MAP7: variants seen among roughly 807,000 people sequenced by gnomAD.
MAP7 encodes the protein ensconsin.
A neutral mutation model predicts 94.8 loss-of-function variants in MAP7; 52 were observed. The ratio of observed to expected loss-of-function variants is 0.55; its 90% confidence interval spans 0.44 to 0.69. The LOEUF (loss-of-function observed/expected upper bound fraction) is 0.69, where lower values mean the gene tolerates loss of function less well. Ranked by LOEUF, MAP7 falls within the 30% of genes least tolerant of loss-of-function variation. MAP7 has a pLI of 0.00. For synonymous variants in MAP7, 350 were observed against 357.0 expected (o/e 0.98, Z 0.22); for missense variants, 940 against 964.6 (o/e 0.97, Z 0.34).
At chr6:136,414,122 G>T (rs1240094623) in intron 2 of MAP7, among the ~76,000 whole-genome samples, 1 of 149,612 alleles carries the variant, frequency 6.7e-6, no homozygotes, top group African/African-American at 2.5e-5. Flanking sequence ...GCGTGGTAGC[G>T]GGCGCCTGTA....
intron 1 of MAP7, among the ~76,000 whole-genome samples, chr6:136,493,404 T>C (rs187214403): frequency 3.9e-4 from 60 of 152,150 alleles, no homozygotes; most frequent in African/African-American, 1.4e-3. Context: ...ATTACAGCCA[T>C]AAGCCACCGC....
chr6:136,412,348 CA>C (rs1022845615), intron 2 of MAP7, among the ~76,000 whole-genome samples: 1 of 151,272 alleles, frequency 6.6e-6, no homozygotes, highest in African/African-American at 2.4e-5. Flanking sequence ...CAGCAGTCAC[CA>C]AAAAAAGACA....
chr6:136,344,312 T>C, intron 17 of MAP7, 74 bp from the exon 18 acceptor site: 1 of 653,014 alleles, frequency 1.5e-6, no homozygotes. Context: ...AATACCATAG[T>C]AATACCTTAA....
At chr6:136,527,080 A>AC (rs35631974) in intron 1 of MAP7, among the ~76,000 whole-genome samples, 56 of 151,858 alleles carry the variant, frequency 3.7e-4, no homozygotes, top group African/African-American at 1.3e-3. Flanking sequence ...CACCCAGCAC[A>AC]CCCCCCACCC....
At chr6:136,465,799 T>A (rs187690305) in intron 1 of MAP7, among the ~76,000 whole-genome samples, 3 of 152,260 alleles carry the variant, frequency 2.0e-5, no homozygotes, top group Admixed American at 2.0e-4. Context: ...CACTAATCCA[T>A]CTTCTAACAG....
chr6:136,524,524 C>A (rs1428177423), intron 1 of MAP7, among the ~76,000 whole-genome samples: 1 of 152,188 alleles, frequency 6.6e-6, no homozygotes, highest in Non-Finnish European at 1.5e-5. Context: ...CATTAAGTCA[C>A]CCTCCAGTCA....
At position 136,411,689 on chromosome 6, in the gene MAP7, G is replaced by T; in HGVS notation, c.175C>A (p.Pro59Thr). The T allele has an allele frequency of 6.4e-7, 1 of 1,564,792 alleles. No individual in the cohort carries two copies. The highest frequency in any genetic ancestry group is 2.4e-5 in the East Asian group (1 of 42,238). ...TGCCGGTCATCAACACGTAACACAG[G>T]CGGAGGGTCTGAAAGCGAGATTAAA... is the stretch of plus-strand genomic sequence containing the variant. ...NHSGNKPDPP[P>T]VLRVDDRQRL... The change falls in exon 3 of 18, where the codon CCT becomes ACT. Residue 59 changes from proline to threonine, a missense_variant. Coordinates refer to ENST00000354570, the MANE Select transcript of MAP7 (RefSeq NM_003980.6).
rs539685854 is a variant in MAP7 at position 136,489,172 on chromosome 6, A to T, written c.67+61170T>A. ...TACCTTCCAAGAGTAGACTAGTTGTATTTTTTTTTTATGAGATTTCATAAT... is the reference window on the plus strand; with the variant it reads ...TACCTTCCAAGAGTAGACTAGTTGTTTTTTTTTTTTATGAGATTTCATAAT... On this transcript the variant is annotated intron_variant, in intron 1 of 17. Transcript: ENST00000354570. 3.5e-3 allele frequency among the ~76,000 whole-genome samples: 532 copies of T among 150,146 alleles called. 5 individuals carry two copies. Among genetic ancestry groups the T allele is most frequent in the African/African-American group, 0.012 (509 of 41,090 alleles).
At chr6:136,523,292 G>C (rs750844099) in intron 1 of MAP7, among the ~76,000 whole-genome samples, 2 of 152,204 alleles carry the variant, frequency 1.3e-5, no homozygotes, top group Non-Finnish European at 2.9e-5. Flanking sequence ...ACGTCAGGAA[G>C]CAGTAAGGAC....
At chr6:136,488,004 T>G (rs1394898817) in intron 1 of MAP7, among the ~76,000 whole-genome samples, 1 of 152,230 alleles carries the variant, frequency 6.6e-6, no homozygotes, top group Non-Finnish European at 1.5e-5. Flanking sequence ...AAAGGGCGGC[T>G]TATGCTTTAT....
chr6:136,357,604 C>T (rs1791396936), intron 15 of MAP7, among the ~76,000 whole-genome samples: 5 of 152,116 alleles, frequency 3.3e-5, no homozygotes. Context: ...AGGCAATCCT[C>T]CTGCTTCAGC....
intron 1 of MAP7, among the ~76,000 whole-genome samples, chr6:136,485,601 C>CTGGA (rs1562452953): frequency 8.2e-6 from 1 of 121,252 alleles, no homozygotes; most frequent in Non-Finnish European, 1.6e-5. Context: ...CTCGCTCTGT[C>CTGGA]GCCCAGGCTG....
At chr6:136,458,736 C>T (rs1354107607) in intron 1 of MAP7, among the ~76,000 whole-genome samples, 1 of 151,900 alleles carries the variant, frequency 6.6e-6, no homozygotes, top group African/African-American at 2.4e-5. Flanking sequence ...AGAAATTAGA[C>T]CTATACACAA....
chr6:136,420,491 G>A (rs1293702303), intron 2 of MAP7: 5 of 384,084 alleles, frequency 1.3e-5, no homozygotes, highest in Non-Finnish European at 9.5e-6. Flanking sequence ...CAAAAATAAA[G>A]GTCCACTAGA....
At chr6:136,433,991 A>C (rs2128814918) in intron 1 of MAP7, among the ~76,000 whole-genome samples, 1 of 152,178 alleles carries the variant, frequency 6.6e-6, no homozygotes, top group Middle Eastern at 3.4e-3. Context: ...ACTGACTCCC[A>C]CCTTGTGAAC....
At chr6:136,511,320 G>A (rs1253922229) in intron 1 of MAP7, among the ~76,000 whole-genome samples, 2 of 152,090 alleles carry the variant, frequency 1.3e-5, no homozygotes, top group South Asian at 4.2e-4. Context: ...AAGAATCAGA[G>A]CTAGCAAATT....
At chr6:136,451,441 T>A (rs1582951410) in intron 1 of MAP7, among the ~76,000 whole-genome samples, 2 of 152,162 alleles carry the variant, frequency 1.3e-5, no homozygotes, top group African/African-American at 4.8e-5. Flanking sequence ...AAAAGATTCT[T>A]TTCAAAATAT....
chr6:136,359,108 T>C lies in MAP7; in HGVS notation c.1912+712A>G, dbSNP rs192597837. ...GCACTTAATATTAATTTAATCTGAG[T>C]ATTAAGGCTAATTTCACTTTTATTT... On this transcript the variant is annotated intron_variant, in intron 15 of 17. Coordinates refer to ENST00000354570, the MANE Select transcript of MAP7 (RefSeq NM_003980.6). Among the ~76,000 whole-genome samples, 7 of 152,304 alleles carry C rather than the reference T, an allele frequency of 4.6e-5. No individual in the cohort carries two copies. The East Asian group carries it at 1.3e-3, about 29-fold the overall frequency.
intron 12 of MAP7, 32 bp from the exon 13 acceptor site, chr6:136,360,830 C>CA: frequency 6.2e-7 from 1 of 1,608,170 alleles, no homozygotes; most frequent in Non-Finnish European, 8.5e-7. Context: ...CTGCCTCTGA[C>CA]AAACAGGCGG....
Sources: allele counts gnomAD v4.1 joint callset (sites outside exome capture counted in the v4.1 genomes callset), GRCh38; gene constraint gnomAD v4.1.1; transcripts MANE v1.5; gene names NCBI Gene and HGNC (gene_info 2026-07-23, HGNC 2026-07-21).